TBC1D12: variants seen among roughly 807,000 people sequenced by gnomAD.
TBC1D12 encodes the protein TBC1 domain family member 12, also known as TBC1 domain family, member 12.
In TBC1D12, 56 loss-of-function variants were observed where a neutral mutation model predicts 86.7. That is an observed-to-expected ratio of 0.65 (90% confidence interval 0.52 to 0.81). The LOEUF (loss-of-function observed/expected upper bound fraction) is 0.81. Ranked by LOEUF, TBC1D12 falls within the 30% of genes least tolerant of loss-of-function variation. The pLI is 0.00. For missense variants in TBC1D12, 1,023 were observed against 1,038.8 expected (o/e 0.98, Z 0.21); for synonymous variants, 421 against 411.7 (o/e 1.02, Z -0.27).
In TBC1D12 at chr10:94,474,652, T is replaced by C. The variant is rs747508694; in HGVS notation, c.1096-16T>C. ...TGGAGCAGTTTCTGCATAAGGTATG[T>C]TTTAATTTACTCTAGGAATATGAAG... On this transcript the variant is annotated splice_polypyrimidine_tract_variant and intron_variant, in intron 2 of 12. Transcript: ENST00000225235. 1 of 1,599,886 alleles carries C rather than the reference T, an allele frequency of 6.3e-7. No homozygotes were observed. Among genetic ancestry groups the C allele is most frequent in the African/African-American group, 1.3e-5 (1 of 74,590 alleles).
intron 1 of TBC1D12, among the ~76,000 whole-genome samples, chr10:94,423,996 G>T (rs1334541337): frequency 6.6e-6 from 1 of 152,078 alleles, no homozygotes; most frequent in Admixed American, 6.6e-5. Flanking sequence ...CTTTTTTCTT[G>T]TTATTCCCTA....
intron 2 of TBC1D12, among the ~76,000 whole-genome samples, chr10:94,465,654 A>AT (rs1377292188): frequency 1.1e-3 from 81 of 73,448 alleles, no homozygotes; most frequent in East Asian, 2.4e-3. Context: ...CTAAAAAAAA[A>AT]AATATATATA....
chr10:94,515,657 G>T (rs961408365), intron 9 of TBC1D12, among the ~76,000 whole-genome samples: 4 of 152,138 alleles, frequency 2.6e-5, no homozygotes, highest in Non-Finnish European at 5.9e-5. Flanking sequence ...CCTATGTAGG[G>T]TTTTGTACTT....
chr10:94,485,012 A>G (rs1257062142), intron 3 of TBC1D12, among the ~76,000 whole-genome samples: 1 of 152,090 alleles, frequency 6.6e-6, no homozygotes, highest in East Asian at 1.9e-4. Context: ...GAGTCTTTGG[A>G]CTTTTGCAAA....
At chr10:94,493,985 A>G (rs1344295876) in intron 4 of TBC1D12, among the ~76,000 whole-genome samples, 1 of 151,700 alleles carries the variant, frequency 6.6e-6, no homozygotes, top group African/African-American at 2.4e-5. Flanking sequence ...TTTATATTTT[A>G]TAATTAATTT....
intron 2 of TBC1D12, among the ~76,000 whole-genome samples, chr10:94,448,845 A>T (rs991014672): frequency 6.6e-6 from 1 of 152,214 alleles, no homozygotes; most frequent in East Asian, 1.9e-4. Flanking sequence ...CTCATCTGTT[A>T]TCACCTTGAA....
chr10:94,519,335 T>G (rs771584218), intron 9 of TBC1D12, among the ~76,000 whole-genome samples: 1 of 152,202 alleles, frequency 6.6e-6, no homozygotes, highest in Admixed American at 6.5e-5. Context: ...AAACATGGTG[T>G]GGTCTCTGTG....
At chr10:94,478,434 C>T (rs368028576) in intron 3 of TBC1D12, among the ~76,000 whole-genome samples, 1 of 151,938 alleles carries the variant, frequency 6.6e-6, no homozygotes, top group Non-Finnish European at 1.5e-5. Context: ...GTAGGCCAGG[C>T]GTGGTGGCTC....
intron 6 of TBC1D12, among the ~76,000 whole-genome samples, chr10:94,506,900 A>G (rs1398589184): frequency 6.6e-6 from 1 of 152,198 alleles, no homozygotes; most frequent in Non-Finnish European, 1.5e-5. Context: ...GTTCCAGGGT[A>G]GCTAAATAAC....
chr10:94,431,953 G>A (rs1347389289), intron 1 of TBC1D12, among the ~76,000 whole-genome samples: 1 of 152,166 alleles, frequency 6.6e-6, no homozygotes, highest in Admixed American at 6.5e-5. Flanking sequence ...CCCCAAAAGT[G>A]CCCTACAGAT....
At chr10:94,404,000 G>C (rs1470917560) in intron 1 of TBC1D12, among the ~76,000 whole-genome samples, 1 of 152,146 alleles carries the variant, frequency 6.6e-6, no homozygotes, top group Admixed American at 6.5e-5. Flanking sequence ...GGGGTGGTGA[G>C]GGGAGGCGGT....
intron 5 of TBC1D12, 76 bp from the exon 6 acceptor site, chr10:94,500,145 A>C: frequency 7.6e-7 from 1 of 1,318,776 alleles, no homozygotes; most frequent in Non-Finnish European, 1.1e-6. Flanking sequence ...CCATAGACTA[A>C]AGATAATCCA....
At position 94,522,047 on chromosome 10, in the gene TBC1D12, A is replaced by G. The variant is rs771007187; in HGVS notation, c.1854A>G (p.Pro618=). ...CATTTGCCAATCTCCTGAATAAGCCATGCCAGTTGGCCTTTTTTCGTGTGG... is the reference window on the plus strand; with the variant it reads ...CATTTGCCAATCTCCTGAATAAGCCGTGCCAGTTGGCCTTTTTTCGTGTGG... ...FIAFANLLNK[P]CQLAFFRVDH... The change falls in exon 10 of 13, where the codon CCA becomes CCG. Residue 618 remains proline, a synonymous_variant. Coordinates refer to ENST00000225235, the MANE Select transcript of TBC1D12 (RefSeq NM_015188.2). 6.2e-7 allele frequency: 1 copy of G among 1,612,954 alleles called. No homozygotes were observed. The highest frequency in any genetic ancestry group is 1.7e-5 in the Admixed American group (1 of 60,016).
At position 94,533,175 on chromosome 10, in the gene TBC1D12, TG is replaced by T; in HGVS notation, c.*81del. The T allele has an allele frequency of 1.2e-6, 1 of 819,490 alleles. No individual in the cohort carries two copies. The highest frequency in any genetic ancestry group is 1.9e-6 in the Non-Finnish European group (1 of 528,212). 50.8% of individuals were successfully genotyped at this position (819,490 alleles called of 1,614,324 possible). A position where few individuals can be genotyped will look rare whatever the true frequency, so the allele number is the denominator to read the frequency against. On this transcript the variant is annotated 3_prime_UTR_variant, in exon 13 of 13. Transcript: ENST00000225235. Reference sequence around the variant, plus strand: ...TTTTTTGTTTCCTATGTAAAAGGCGTGGAAGAAAATGTTGGAGATACCTAAA... The same window carrying T: ...TTTTTTGTTTCCTATGTAAAAGGCGTGAAGAAAATGTTGGAGATACCTAAA...
Position 94,500,248 on chromosome 10 carries a change from G to T in TBC1D12, c.1440G>T (p.Leu480Phe). The T allele has an allele frequency of 6.2e-7, 1 of 1,613,928 alleles. No homozygotes were observed. Among genetic ancestry groups the T allele is most frequent in the Non-Finnish European group, 8.5e-7 (1 of 1,179,924 alleles). The change falls in exon 6 of 13, where the codon TTG (leucine) becomes TTT (phenylalanine). Residue 480 changes from leucine (L) to phenylalanine (F), a missense_variant. Transcript: ENST00000225235. ...VMRSTRRVRE[L>F]WWQGLPPSVR... ...GTAGTACAAGAAGAGTTCGAGAATT[G>T]TGGTGGCAGGGATTGCCCCCTAGTG...
rs527434784 is a variant in TBC1D12 at position 94,450,424 on chromosome 10, G to A, written c.1095+8405G>A. ...ATGGGGAAAGCCATTCTAGATAGAGGAAATTGAAAAAGCAAACAGGAATGA... is the reference window on the plus strand; with the variant it reads ...ATGGGGAAAGCCATTCTAGATAGAGAAAATTGAAAAAGCAAACAGGAATGA... On this transcript the variant is annotated intron_variant, in intron 2 of 12. Coordinates refer to ENST00000225235, the MANE Select transcript of TBC1D12 (RefSeq NM_015188.2). 2.6e-5 allele frequency among the ~76,000 whole-genome samples: 4 copies of A among 151,928 alleles called. No individual in the cohort carries two copies. In the South Asian group the frequency reaches 8.3e-4, roughly 32 times the overall value.
intron 2 of TBC1D12, among the ~76,000 whole-genome samples, chr10:94,454,925 A>G (rs1371753350): frequency 1.3e-5 from 2 of 152,210 alleles, no homozygotes; most frequent in Admixed American, 6.5e-5. Flanking sequence ...GTTGAGAAGC[A>G]GTGGTGAGCG....
chr10:94,533,925 A>G lies in TBC1D12; in HGVS notation c.*829A>G, dbSNP rs1204696316. ...AAAACATATATGATGTTTCTCAGTG[A>G]TAAGAGTAAAAAGTAATGAATCCTG... is the stretch of plus-strand genomic sequence containing the variant. On this transcript the variant is annotated 3_prime_UTR_variant, in exon 13 of 13. Transcript: ENST00000225235. The G allele has an allele frequency of 1.3e-5, 2 of 152,188 alleles. No homozygotes were observed. The highest frequency in any genetic ancestry group is 2.4e-5 in the African/African-American group (1 of 41,454). The allele number at this position is 152,188 out of a possible 1,614,324, so 9.4% of individuals were successfully genotyped here. A position where few individuals can be genotyped will look rare whatever the true frequency, so the allele number is the denominator to read the frequency against.
chr10:94,508,610 G>A (rs1353453739), intron 7 of TBC1D12: 1 of 151,830 alleles, frequency 6.6e-6, no homozygotes, highest in Non-Finnish European at 1.5e-5. Flanking sequence ...TGTTCACTTG[G>A]TTCTTTTTAT....
Sources: gnomAD v4.1 joint callset for allele counts (sites outside exome capture counted in the v4.1 genomes callset) on GRCh38, gnomAD v4.1.1 for gene constraint, MANE v1.5 for transcripts, NCBI Gene and HGNC (gene_info 2026-07-23, HGNC 2026-07-21) for gene names.